DTL: variants seen among roughly 807,000 people sequenced by gnomAD.
DTL encodes denticleless E3 ubiquitin protein ligase adapter.
In DTL, 46 loss-of-function variants were observed where a neutral mutation model predicts 87.0. That is an observed-to-expected ratio of 0.53 (90% confidence interval 0.42 to 0.68). The LOEUF is 0.68. Among genes scored for constraint, DTL ranks in the 30% least tolerant of loss-of-function variants. DTL has a pLI of 0.00. For synonymous variants in DTL, 308 were observed against 311.2 expected (o/e 0.99, Z 0.11); for missense variants, 737 against 869.4 (o/e 0.85, Z 1.91).
intron 1 of DTL, among the ~76,000 whole-genome samples, chr1:212,041,537 G>A (rs552342916): frequency 2.7e-5 from 4 of 150,554 alleles, no homozygotes; most frequent in Non-Finnish European, 5.9e-5. Context: ...ACGGAGTGTC[G>A]CTGTGTTGCC....
chr1:212,053,336 T>C (rs1434357309), intron 5 of DTL, among the ~76,000 whole-genome samples: 3 of 152,108 alleles, frequency 2.0e-5, no homozygotes, highest in Non-Finnish European at 4.4e-5. Context: ...AGCATGATCA[T>C]AGGCACATGC....
intron 6 of DTL, among the ~76,000 whole-genome samples, chr1:212,064,379 C>T (rs943851630): frequency 6.6e-5 from 10 of 152,162 alleles, no homozygotes; most frequent in African/African-American, 2.4e-4. Context: ...TGCTGTCACT[C>T]AGAGTTTATA....
intron 12 of DTL, 62 bp downstream of exon 12, chr1:212,078,324 A>AACCTACACAGGTTTGT: frequency 9.2e-7 from 1 of 1,086,826 alleles, no homozygotes; most frequent in South Asian, 1.3e-5. Flanking sequence ...AGGTTTTTCT[A>AACCTACACAGGTTTGT]AGGTTTGTTT....
At chr1:212,057,418 A>G (rs981114590) in intron 5 of DTL, among the ~76,000 whole-genome samples, 8 of 151,912 alleles carry the variant, frequency 5.3e-5, no homozygotes, top group African/African-American at 1.9e-4. Flanking sequence ...ATCCTTCATA[A>G]ATAAAAGAGA....
chr1:212,047,953 T>G (rs1667854861), intron 5 of DTL, among the ~76,000 whole-genome samples: 1 of 152,242 alleles, frequency 6.6e-6, no homozygotes, highest in Non-Finnish European at 1.5e-5. Context: ...TTGATAAGTT[T>G]TTCTGTAATC....
chr1:212,096,532 A>G lies in DTL; in HGVS notation c.1262-3720A>G, dbSNP rs148813376. Among the ~76,000 whole-genome samples, 26 of 152,226 alleles carry G rather than the reference A, an allele frequency of 1.7e-4. No individual in the cohort carries two copies. The East Asian group carries it at 4.8e-3, about 28-fold the overall frequency. ...TAATGCTGTGAACTTTCCTCTTAGC[A>G]CTGCTTTTGCTGTATCTTAGAGGTT... is the stretch of plus-strand genomic sequence containing the variant. On this transcript the variant is annotated intron_variant, in intron 13 of 14. Transcript: ENST00000366991.
At chr1:212,038,120 A>T (rs568861360) in intron 1 of DTL, among the ~76,000 whole-genome samples, 1 of 152,286 alleles carries the variant, frequency 6.6e-6, no homozygotes, top group African/African-American at 2.4e-5. Context: ...CACACCAGTG[A>T]ACCTAACATA....
intron 1 of DTL, among the ~76,000 whole-genome samples, chr1:212,039,802 C>G (rs1667584517): frequency 6.6e-6 from 1 of 152,082 alleles, no homozygotes; most frequent in South Asian, 2.1e-4. Context: ...AGAAAAGGTT[C>G]AGTAAAAATA....
intron 5 of DTL, chr1:212,051,419 A>G (rs66858610): frequency 0.36 from 161,089 of 451,802 alleles, 32,457 homozygotes; most frequent in Middle Eastern, 0.4. Context: ...TTCTCGAAGG[A>G]CATTTTTGTT....
intron 7 of DTL, among the ~76,000 whole-genome samples, chr1:212,065,737 G>A (rs548791033): frequency 6.6e-6 from 1 of 152,166 alleles, no homozygotes; most frequent in East Asian, 1.9e-4. Flanking sequence ...ACAGAGTCTC[G>A]CTCTGTCACC....
intron 5 of DTL, among the ~76,000 whole-genome samples, chr1:212,060,719 A>G (rs1654252159): frequency 6.7e-6 from 1 of 148,748 alleles, no homozygotes; most frequent in Non-Finnish European, 1.5e-5. Context: ...TGGTTGACAC[A>G]GTGAGACTCA....
intron 8 of DTL, among the ~76,000 whole-genome samples, chr1:212,067,739 A>C (rs1030233644): frequency 6.6e-6 from 1 of 152,216 alleles, no homozygotes; most frequent in African/African-American, 2.4e-5. Context: ...TTTATACTAG[A>C]AGTAGAGGAT....
At chr1:212,063,361 T>C (rs1405952842) in intron 6 of DTL, among the ~76,000 whole-genome samples, 1 of 151,570 alleles carries the variant, frequency 6.6e-6, no homozygotes, top group Non-Finnish European at 1.5e-5. Context: ...TGAACTTGGC[T>C]CACTGCACTC....
rs773533933 is a variant in DTL, at chr1:212,080,609, T to A, written c.1126-6T>A. 2 of 1,609,634 alleles carry A rather than the reference T, an allele frequency of 1.2e-6. No homozygotes were observed. Among genetic ancestry groups the A allele is most frequent in the East Asian group, 4.5e-5 (2 of 44,838 alleles). On this transcript the variant is annotated splice_region_variant and splice_polypyrimidine_tract_variant and intron_variant, in intron 12 of 14. Coordinates refer to ENST00000366991, the MANE Select transcript of DTL (RefSeq NM_016448.4). ...TCTTAATTCCCTTCTTGGTACTCCC[T>A]CTTAGATTGCTACCTGTTCTGATGA...
chr1:212,040,186 T>G (rs1399128642), intron 1 of DTL, among the ~76,000 whole-genome samples: 1 of 151,400 alleles, frequency 6.6e-6, no homozygotes, highest in African/African-American at 2.4e-5. Context: ...TTTAAATGTT[T>G]TTCTTTTCTT....
rs535768627 is a variant in DTL at position 212,086,315 on chromosome 1, G to T, written c.1261+5565G>T. Reference sequence around the variant, plus strand: ...TCATTTTAGAAAATATAAAAGAAAAGAATCATATGAGGCCATTAGAGAATA... The same window carrying T: ...TCATTTTAGAAAATATAAAAGAAAATAATCATATGAGGCCATTAGAGAATA... On this transcript the variant is annotated intron_variant, in intron 13 of 14. Coordinates refer to ENST00000366991, the MANE Select transcript of DTL (RefSeq NM_016448.4). Among the ~76,000 whole-genome samples the T allele has an allele frequency of 5.8e-4, 88 of 152,104 alleles. 1 individual carries two copies. In the South Asian group the frequency reaches 0.018, roughly 31 times the overall value.
chr1:212,062,034 A>G (rs543715412), intron 5 of DTL, among the ~76,000 whole-genome samples: 1 of 152,348 alleles, frequency 6.6e-6, no homozygotes, highest in African/African-American at 2.4e-5. Context: ...TGATGAATAC[A>G]AGGTGATGGA....
chr1:212,066,555 T>C (rs1654505913), intron 7 of DTL, among the ~76,000 whole-genome samples: 1 of 152,230 alleles, frequency 6.6e-6, no homozygotes, highest in African/African-American at 2.4e-5. Context: ...GTAGATGCAG[T>C]AGGCTCAGAC....
intron 13 of DTL, among the ~76,000 whole-genome samples, chr1:212,096,802 A>G (rs1034653436): frequency 5.3e-5 from 8 of 152,152 alleles, no homozygotes; most frequent in Non-Finnish European, 5.9e-5. Context: ...TATGGTCTCT[A>G]TCTTGGAGAA....
Sources: gnomAD v4.1 joint callset for allele counts (sites outside exome capture counted in the v4.1 genomes callset) on GRCh38, gnomAD v4.1.1 for gene constraint, MANE v1.5 for transcripts, NCBI Gene and HGNC (gene_info 2026-07-23, HGNC 2026-07-21) for gene names.